The following MEGF6 variants were observed in gnomAD, a reference collection of about 807,000 sequenced individuals.
MEGF6 encodes the protein multiple epidermal growth factor-like domains protein 6.
MEGF6 carries 184 observed loss-of-function variants against 207.1 expected under a neutral mutation model. That is an observed-to-expected ratio of 0.89 (90% CI 0.79 to 1.00). The LOEUF is 1.00. Among genes scored for constraint, MEGF6 ranks in the 50% least tolerant of loss-of-function variants. MEGF6 has a pLI of 0.00. For missense variants in MEGF6, 2,282 were observed against 2,202.9 expected (o/e 1.04, Z -0.72); for synonymous variants, 1,038 against 910.0 (o/e 1.14, Z -2.53).
chr1:3,603,680 C>A lies in MEGF6; in HGVS notation c.132-1080G>T, dbSNP rs569224573. Among the ~76,000 whole-genome samples the A allele has an allele frequency of 3.9e-5, 6 of 152,010 alleles. 1 individual carries two copies. The South Asian group carries it at 1.2e-3, about 32-fold the overall frequency. ...AGGTGGCATGGGTTCCCCCAGCCTCCTCATCAGAGGTCCCCACCCCACCGG... is the reference window on the plus strand; with the variant it reads ...AGGTGGCATGGGTTCCCCCAGCCTCATCATCAGAGGTCCCCACCCCACCGG... On this transcript the variant is annotated intron_variant, in intron 1 of 36. Transcript: ENST00000356575.
intron 2 of MEGF6, among the ~76,000 whole-genome samples, chr1:3,595,718 C>T (rs539484012): frequency 2.0e-5 from 3 of 152,312 alleles, no homozygotes; most frequent in East Asian, 3.9e-4. Context: ...CCTCACTGCC[C>T]CTGCCTGGCC....
chr1:3,571,606 G>T (rs1453631152), intron 4 of MEGF6, among the ~76,000 whole-genome samples: 1 of 151,288 alleles, frequency 6.6e-6, no homozygotes, highest in African/African-American at 2.4e-5. Flanking sequence ...CATATGCTGG[G>T]TCATTTCCTG....
intron 4 of MEGF6, among the ~76,000 whole-genome samples, chr1:3,548,953 G>A (rs1164754751): frequency 3.9e-5 from 6 of 152,274 alleles, no homozygotes; most frequent in East Asian, 1.9e-4. Flanking sequence ...GACAGCCACC[G>A]CTGCCTGGTC....
At chr1:3,502,307 C>T (rs991478715) in intron 17 of MEGF6, among the ~76,000 whole-genome samples, 8 of 152,028 alleles carry the variant, frequency 5.3e-5, no homozygotes, top group Non-Finnish European at 1.0e-4. Context: ...GGAGAGCTCC[C>T]GGGAGCCCGA....
rs369505570 is a variant in MEGF6, at chr1:3,508,995, T to C, written c.1528+80A>G. The C allele has an allele frequency of 1.3e-3, 1,821 of 1,401,882 alleles. 5 individuals carry two copies. Among genetic ancestry groups the C allele is most frequent in the South Asian group, 3.6e-3 (244 of 67,142 alleles). 86.8% of individuals were successfully genotyped at this position (1,401,882 alleles called of 1,614,324 possible). Reference sequence around the variant, plus strand: ...CCTTCCTCACGTCCCCAGCCTCTGATTGGATGGCAGCCTAGCCCGAGGGGT... The same window carrying C: ...CCTTCCTCACGTCCCCAGCCTCTGACTGGATGGCAGCCTAGCCCGAGGGGT... On this transcript the variant is annotated intron_variant, in intron 12 of 36. Coordinates refer to ENST00000356575, the MANE Select transcript of MEGF6 (RefSeq NM_001409.4).
At position 3,492,762 on chromosome 1, in the gene MEGF6, T is replaced by A. The variant is rs758551669; in HGVS notation, c.4393A>T (p.Arg1465Ter). Residue 1465 changes from arginine to a stop codon, truncating the protein, a stop_gained, in exon 35 of 37, where the codon AGA becomes TGA. Coordinates refer to ENST00000356575, the MANE Select transcript of MEGF6 (RefSeq NM_001409.4). LOFTEE classifies it high-confidence loss of function. The part of the protein sequence containing the change: ...RSGATCNLDC[R>*]RGQFGPSCTL... Reference sequence around the variant, plus strand: ...CAGCTGGGCCCAAACTGGCCCCTTCTGCAATCTGCAAGGCGGAGGGGGCGG... The same window carrying A: ...CAGCTGGGCCCAAACTGGCCCCTTCAGCAATCTGCAAGGCGGAGGGGGCGG... 6.8e-6 allele frequency: 11 copies of A among 1,611,098 alleles called. No individual in the cohort carries two copies. The highest frequency in any genetic ancestry group is 9.3e-6 in the Non-Finnish European group (11 of 1,178,958).
In MEGF6 at chr1:3,498,488, G is replaced by C. The variant is rs556685199; in HGVS notation, c.3235C>G (p.Arg1079Gly). 1 of 1,577,066 alleles carries C rather than the reference G, an allele frequency of 6.3e-7. No individual in the cohort carries two copies. Among genetic ancestry groups the C allele is most frequent in the Admixed American group, 1.8e-5 (1 of 56,388 alleles). The change falls in exon 26 of 37, where the codon CGG (arginine) becomes GGG (glycine). Residue 1079 changes from arginine (R) to glycine (G), a missense_variant. Arg to Gly is a moderately radical substitution (Grantham distance 125). Transcript: ENST00000356575. ...GLACEKECLP[R>G]DVRAGCRHSG... ...TGCCGGCAGCCAGCTCTGACGTCCC[G>C]GGGGAGGCACTCTACAGGAGCAGAG...
chr1:3,507,338 T>C (rs1429017189), intron 14 of MEGF6, among the ~76,000 whole-genome samples: 2 of 152,192 alleles, frequency 1.3e-5, no homozygotes, highest in Admixed American at 1.3e-4. Context: ...TCTGGACTAA[T>C]TCCTCCAGAA....
chr1:3,579,048 G>T (rs556760143), intron 4 of MEGF6, among the ~76,000 whole-genome samples: 1 of 152,348 alleles, frequency 6.6e-6, no homozygotes, highest in East Asian at 1.9e-4. Context: ...ATGGAGCCCC[G>T]GTGGCCACCA....
Position 3,524,156 on chromosome 1 carries a change from A to C in MEGF6, c.572T>G (p.Phe191Cys). The C allele has an allele frequency of 6.2e-6, 10 of 1,612,696 alleles. No individual in the cohort carries two copies. Among genetic ancestry groups the C allele is most frequent in the Non-Finnish European group, 8.5e-6 (10 of 1,179,804 alleles). Reference protein sequence around the residue: ...GSYLCECKPGFRLHTDSRTCL... With the variant: ...GSYLCECKPGCRLHTDSRTCL... ...GGTCCTGCTGTCAGTGTGGAGCCGG[A>C]AGCCGGGCTTGCACTCACAGAGGTA... The change falls in exon 5 of 37, where the codon TTC (phenylalanine) becomes TGC (cysteine). Residue 191 changes from phenylalanine (F) to cysteine (C), a missense_variant. By Grantham distance (205) the Phe-to-Cys change is radical. Transcript: ENST00000356575.
At position 3,501,347 on chromosome 1, in the gene MEGF6, C is replaced by T. The variant is rs1201634013; in HGVS notation, c.2315-39G>A. 4.5e-6 allele frequency: 7 copies of T among 1,565,318 alleles called. No homozygotes were observed. The African/African-American group carries it at 6.8e-5, about 15-fold the overall frequency. The stretch of plus-strand genomic sequence containing the variant: ...CCATGGCCAGTCAGTGCCCAAGCTG[C>T]CCTTGCTCAACACATCAACATAACA... On this transcript the variant is annotated intron_variant, in intron 18 of 36. Transcript: ENST00000356575.
At position 3,592,936 on chromosome 1, in the gene MEGF6, C is replaced by T. The variant is rs1215945917; in HGVS notation, c.376+2402G>A. Among the ~76,000 whole-genome samples, 3 of 152,242 alleles carry T rather than the reference C, an allele frequency of 2.0e-5. No homozygotes were observed. The East Asian group carries it at 5.8e-4, about 29-fold the overall frequency. On this transcript the variant is annotated intron_variant, in intron 3 of 36. Transcript: ENST00000356575. ...TGACAACCAGGACCCCCACCCTCCC[C>T]TGCTCCCTGCCCCCAGCCTCAGCCC...
intron 14 of MEGF6, 83 bp downstream of exon 14, chr1:3,507,712 A>G: frequency 6.4e-7 from 1 of 1,569,234 alleles, no homozygotes. Context: ...GAAGGAGACA[A>G]GGAGGACGTG....
At chr1:3,616,936 G>A in the MEGF6 span, among the ~76,000 whole-genome samples, 91 of 152,312 alleles carry the variant, frequency 6.0e-4, no homozygotes, top group Non-Finnish European at 8.2e-4. Flanking sequence ...GGCAACCTCC[G>A]GTTCCAGTTC....
At chr1:3,529,293 G>A (rs893923691) in intron 4 of MEGF6, among the ~76,000 whole-genome samples, 5 of 152,188 alleles carry the variant, frequency 3.3e-5, no homozygotes, top group Admixed American at 6.5e-5. Flanking sequence ...AGCAAAGGCC[G>A]AAAGGAGCTT....
Position 3,496,725 on chromosome 1 carries a change from C to T in MEGF6, c.3672G>A (p.Gly1224=). The T allele has an allele frequency of 6.4e-7, 1 of 1,558,780 alleles. No homozygotes were observed. The highest frequency in any genetic ancestry group is 8.7e-7 in the Non-Finnish European group (1 of 1,151,970). The change falls in exon 29 of 37, where the codon GGG becomes GGA. Residue 1224 remains glycine, a synonymous_variant. Coordinates refer to ENST00000356575, the MANE Select transcript of MEGF6 (RefSeq NM_001409.4). The part of the protein sequence containing the change: ...GCEQLCGCLN[G]GSCDAATGAC... Reference sequence around the variant, plus strand: ...CCCCCGTGGCCGCATCACAGGAGCCCCCGTTGAGACACCCACACAGCTGTT... The same window carrying T: ...CCCCCGTGGCCGCATCACAGGAGCCTCCGTTGAGACACCCACACAGCTGTT...
intron 4 of MEGF6, among the ~76,000 whole-genome samples, chr1:3,558,708 G>A (rs899653054): frequency 6.6e-5 from 10 of 152,214 alleles, no homozygotes; most frequent in African/African-American, 1.4e-4. Flanking sequence ...GTGCTCTTGC[G>A]ATCGTGATGG....
intron 4 of MEGF6, among the ~76,000 whole-genome samples, chr1:3,574,388 G>A (rs1313726728): frequency 6.6e-6 from 1 of 152,020 alleles, no homozygotes; most frequent in Non-Finnish European, 1.5e-5. Flanking sequence ...AAACTTGTCC[G>A]GAACAAATTG....
rs111408401 is a variant in MEGF6 at position 3,533,968 on chromosome 1, G to A, written c.482-9722C>T. Among the ~76,000 whole-genome samples the A allele has an allele frequency of 7.3e-3, 1,106 of 152,268 alleles. 16 individuals carry two copies. The highest frequency in any genetic ancestry group is 0.024 in the African/African-American group (1,015 of 41,544). On this transcript the variant is annotated intron_variant, in intron 4 of 36. Coordinates refer to ENST00000356575, the MANE Select transcript of MEGF6 (RefSeq NM_001409.4). The stretch of plus-strand genomic sequence containing the variant: ...CCACAGGAAGCAGGAGGCACCAGCC[G>A]CACCCTCAGGATCCCATGCTGTCCC...
Sources: allele counts gnomAD v4.1 joint callset (sites outside exome capture counted in the v4.1 genomes callset), GRCh38; gene constraint gnomAD v4.1.1; transcripts MANE v1.5; gene names NCBI Gene and HGNC (gene_info 2026-07-23, HGNC 2026-07-21).